The following GRIK4 variants were observed in gnomAD, a reference collection of about 807,000 sequenced individuals.
The protein encoded by GRIK4 is glutamate ionotropic receptor kainate type subunit 4.
GRIK4 carries 40 observed loss-of-function variants against 104.9 expected under a neutral mutation model. The observed-to-expected ratio is 0.38, with a 90% CI of 0.30 to 0.50. The LOEUF (loss-of-function observed/expected upper bound fraction) is 0.50. Ranked by LOEUF, GRIK4 falls within the 20% of genes least tolerant of loss-of-function variation. The pLI is 0.93. For missense variants in GRIK4, 1,047 were observed against 1,308.1 expected, an observed-to-expected ratio of 0.80 and a Z score of 3.08; for synonymous variants, 485 against 524.9, an observed-to-expected ratio of 0.92 and a Z score of 1.04.
At chr11:120,801,068 C>T (rs551272990) in intron 3 of GRIK4, among the ~76,000 whole-genome samples, 8 of 152,318 alleles carry the variant, frequency 5.3e-5, no homozygotes, top group Admixed American at 6.5e-5. Context: ...CCAAAAAGAA[C>T]ACCACACGCA....
chr11:120,851,856 A>G (rs541880262), intron 8 of GRIK4, among the ~76,000 whole-genome samples: 2 of 152,304 alleles, frequency 1.3e-5, no homozygotes, highest in African/African-American at 4.8e-5. Context: ...GAGTCCACTG[A>G]TTAACAGCAT....
chr11:120,845,954 G>A (rs533272354), intron 8 of GRIK4, among the ~76,000 whole-genome samples: 2 of 152,370 alleles, frequency 1.3e-5, no homozygotes, highest in South Asian at 4.1e-4. Flanking sequence ...GAGGTGGCAG[G>A]TCTGGCGGTG....
intron 3 of GRIK4, among the ~76,000 whole-genome samples, chr11:120,773,680 C>CCACGG (rs1468148066): frequency 6.6e-6 from 1 of 152,146 alleles, no homozygotes; most frequent in African/African-American, 2.4e-5. Context: ...GCTTTCAAGG[C>CCACGG]CACGCCCTTG....
chr11:120,661,811 G>A lies in GRIK4; in HGVS notation c.82+1411G>A, dbSNP rs544413055. On this transcript the variant is annotated intron_variant, in intron 3 of 20. Coordinates refer to ENST00000527524, the MANE Select transcript of GRIK4 (RefSeq NM_014619.5). ...CAGTTCTCCCCCTCACCCTGCCCTC[G>A]ACACACTGCTCTGCATGCTTAAAAA... Among the ~76,000 whole-genome samples the A allele has an allele frequency of 1.8e-4, 28 of 151,782 alleles. No homozygotes were observed. In the South Asian group the frequency reaches 5.0e-3, roughly 27 times the overall value.
intron 1 of GRIK4, among the ~76,000 whole-genome samples, chr11:120,584,477 A>C (rs962700846): frequency 6.6e-6 from 1 of 152,234 alleles, no homozygotes; most frequent in Non-Finnish European, 1.5e-5. Context: ...AGGCAGTTAC[A>C]TGGTGAAAGT....
At chr11:120,774,427 G>A (rs1952001821) in intron 3 of GRIK4, among the ~76,000 whole-genome samples, 1 of 152,142 alleles carries the variant, frequency 6.6e-6, no homozygotes, top group South Asian at 2.1e-4. Flanking sequence ...CAATCTGCAG[G>A]GCAGGCCAGC....
chr11:120,620,282 G>T, intron 1 of GRIK4: 1 of 716,672 alleles, frequency 1.4e-6, no homozygotes. Context: ...TTGTTCTTAT[G>T]AAATTCTACT....
chr11:120,845,275 GTACA>G (rs1953823046), intron 8 of GRIK4, among the ~76,000 whole-genome samples: 1 of 152,198 alleles, frequency 6.6e-6, no homozygotes, highest in Admixed American at 6.5e-5. Context: ...TACATTAGAT[GTACA>G]TGCGGCAAGT....
At chr11:120,816,645 C>G (rs985751496) in intron 5 of GRIK4, among the ~76,000 whole-genome samples, 1 of 152,170 alleles carries the variant, frequency 6.6e-6, no homozygotes, top group African/African-American at 2.4e-5. Context: ...GATGCCACCA[C>G]TGTCTCTTAT....
intron 4 of GRIK4, among the ~76,000 whole-genome samples, chr11:120,808,987 G>A (rs1004841543): frequency 6.6e-6 from 1 of 152,102 alleles, no homozygotes; most frequent in African/African-American, 2.4e-5. Context: ...TGGCCCCCTG[G>A]GTCCATCCAG....
chr11:120,808,607 G>C (rs1952764829), intron 4 of GRIK4, among the ~76,000 whole-genome samples: 1 of 152,170 alleles, frequency 6.6e-6, no homozygotes, highest in Non-Finnish European at 1.5e-5. Flanking sequence ...TTCTTCCTTG[G>C]CTCAAGAGCC....
At chr11:120,786,655 A>T (rs1413927805) in intron 3 of GRIK4, among the ~76,000 whole-genome samples, 1 of 152,066 alleles carries the variant, frequency 6.6e-6, no homozygotes, top group Non-Finnish European at 1.5e-5. Context: ...GTCCAAACAG[A>T]AATGCATGTA....
chr11:120,628,687 G>T (rs12292186), intron 1 of GRIK4, among the ~76,000 whole-genome samples: 4,361 of 152,248 alleles, frequency 0.029, 189 homozygotes, highest in African/African-American at 0.092. Context: ...CTAGGGGCCT[G>T]AGGAAGGCAA....
At chr11:120,598,231 A>C (rs1327471739) in intron 1 of GRIK4, among the ~76,000 whole-genome samples, 3 of 152,156 alleles carry the variant, frequency 2.0e-5, no homozygotes, top group African/African-American at 7.2e-5. Flanking sequence ...GACTTTTTCC[A>C]TCCATTCTCT....
intron 1 of GRIK4, among the ~76,000 whole-genome samples, chr11:120,586,727 C>T (rs17124014): frequency 0.12 from 17,974 of 152,072 alleles, 3,531 homozygotes; most frequent in African/African-American, 0.41. Flanking sequence ...GCAAGGGGAC[C>T]CTTCCTCCGA....
At chr11:120,643,370 G>A (rs1213130237) in intron 1 of GRIK4, among the ~76,000 whole-genome samples, 2 of 152,326 alleles carry the variant, frequency 1.3e-5, no homozygotes, top group African/African-American at 4.8e-5. Context: ...CCCAGCTCAA[G>A]CACAGGCCCC....
chr11:120,652,532 C>G (rs1949633982), intron 1 of GRIK4, among the ~76,000 whole-genome samples: 1 of 152,240 alleles, frequency 6.6e-6, no homozygotes, highest in Non-Finnish European at 1.5e-5. Context: ...CACACTCCAT[C>G]CAGGCTGCTG....
intron 13 of GRIK4, among the ~76,000 whole-genome samples, chr11:120,918,775 G>A (rs1449209342): frequency 2.0e-5 from 3 of 152,166 alleles, no homozygotes; most frequent in Non-Finnish European, 4.4e-5. Context: ...AAAATGGTAT[G>A]GGAGCACAGA....
intron 16 of GRIK4, among the ~76,000 whole-genome samples, chr11:120,958,395 G>GC (rs1205126410): frequency 1.7e-4 from 26 of 152,222 alleles, no homozygotes; most frequent in Non-Finnish European, 2.8e-4. Context: ...GCCGTGACAG[G>GC]CCTGTGCCAG....
Sources: gnomAD v4.1 joint callset for allele counts (sites outside exome capture counted in the v4.1 genomes callset) on GRCh38, gnomAD v4.1.1 for gene constraint, MANE v1.5 for transcripts, NCBI Gene and HGNC (gene_info 2026-07-23, HGNC 2026-07-21) for gene names.